The following RBMS1 variants were observed in gnomAD, a reference collection of about 807,000 sequenced individuals.
RBMS1 encodes the protein RNA binding motif single stranded interacting protein 1, also known as RNA-binding motif, single-stranded-interacting protein 1.
Under a neutral mutation model 62.3 loss-of-function variants are expected in RBMS1, and 17 were observed. That is an observed-to-expected ratio of 0.27 (90% confidence interval 0.19 to 0.41). The LOEUF (loss-of-function observed/expected upper bound fraction) is 0.41, where lower values mean the gene tolerates loss of function less well. RBMS1 is among the 10% of genes least tolerant of loss of function. The pLI, the probability that RBMS1 is intolerant of heterozygous loss-of-function variation, is 1.00. For synonymous variants in RBMS1, 172 were observed against 170.0 expected (o/e 1.01, Z -0.09); for missense variants, 334 against 504.5 (o/e 0.66, Z 3.24).
At chr2:160,392,617 A>T (rs1451817440) in intron 1 of RBMS1, among the ~76,000 whole-genome samples, 1 of 152,192 alleles carries the variant, frequency 6.6e-6, no homozygotes, top group East Asian at 1.9e-4. Context: ...ACTAGAGAAC[A>T]ATAAAAAGAG....
At chr2:160,340,463 C>T (rs554577360) in intron 2 of RBMS1, among the ~76,000 whole-genome samples, 1 of 151,974 alleles carries the variant, frequency 6.6e-6, no homozygotes, top group East Asian at 1.9e-4. Context: ...AGCAGAAACA[C>T]GCTAGCATAC....
At chr2:160,406,835 A>C (rs1002347486) in intron 1 of RBMS1, among the ~76,000 whole-genome samples, 5 of 152,238 alleles carry the variant, frequency 3.3e-5, no homozygotes, top group Non-Finnish European at 7.3e-5. Flanking sequence ...AAATGTATGA[A>C]ACGGTATTAA....
rs114556136 is a variant in RBMS1 at position 160,397,979 on chromosome 2, T to C, written c.76-30588A>G. 7.2e-3 allele frequency among the ~76,000 whole-genome samples: 1,098 copies of C among 152,310 alleles called. 16 individuals carry two copies. Among genetic ancestry groups the C allele is most frequent in the African/African-American group, 0.024 (995 of 41,554 alleles). ...CCCGAAGTCTGTCCCATCTCTTGTC[T>C]TGACACATTCTCTCCTCGGAGTGCT... On this transcript the variant is annotated intron_variant, in intron 1 of 13. Coordinates refer to ENST00000348849, the MANE Select transcript of RBMS1 (RefSeq NM_016836.4).
intron 2 of RBMS1, among the ~76,000 whole-genome samples, chr2:160,338,864 AT>A (rs1691718639): frequency 6.6e-6 from 1 of 152,250 alleles, no homozygotes; most frequent in Non-Finnish European, 1.5e-5. Flanking sequence ...AGGAAAGAGA[AT>A]GAAGCAAACA....
Position 160,274,575 on chromosome 2 carries a change from A to G in RBMS1, c.*197T>C, listed in dbSNP as rs376200395. On this transcript the variant is annotated 3_prime_UTR_variant, in exon 14 of 14. Transcript: ENST00000348849. Reference sequence around the variant, plus strand: ...ACCTGTTCGGGGGAACAGCTACTAGATGAATTTAAGGGTTTTATGCACCTT... The same window carrying G: ...ACCTGTTCGGGGGAACAGCTACTAGGTGAATTTAAGGGTTTTATGCACCTT... 6.8e-6 allele frequency: 1 copy of G among 146,638 alleles called. No homozygotes were observed. Among genetic ancestry groups the G allele is most frequent in the South Asian group, 2.1e-4 (1 of 4,728 alleles). The allele number at this position is 146,638 out of a possible 1,614,324, so 9.1% of individuals were successfully genotyped here. A position where few individuals can be genotyped will look rare whatever the true frequency, so the allele number is the denominator to read the frequency against.
intron 2 of RBMS1, among the ~76,000 whole-genome samples, chr2:160,360,165 A>G (rs1410491677): frequency 6.6e-6 from 1 of 152,172 alleles, no homozygotes; most frequent in Non-Finnish European, 1.5e-5. Context: ...CTATTTGTAG[A>G]TAACAAAAAT....
intron 2 of RBMS1, among the ~76,000 whole-genome samples, chr2:160,351,127 G>A (rs1162343615): frequency 6.7e-6 from 1 of 148,268 alleles, no homozygotes; most frequent in South Asian, 2.2e-4. Flanking sequence ...ACTGAACAAT[G>A]AGAACACTTG....
At chr2:160,336,513 T>G (rs1691579521) in intron 2 of RBMS1, among the ~76,000 whole-genome samples, 1 of 152,070 alleles carries the variant, frequency 6.6e-6, no homozygotes, top group South Asian at 2.1e-4. Flanking sequence ...CCTAGATCAG[T>G]GCTGTCCAAT....
chr2:160,480,255 TAAAC>T (rs567307690), intron 1 of RBMS1, among the ~76,000 whole-genome samples: 157 of 152,128 alleles, frequency 1.0e-3, no homozygotes, highest in Non-Finnish European at 1.9e-3. Context: ...AGCCATCAAA[TAAAC>T]AAAGAGAATA....
intron 1 of RBMS1, among the ~76,000 whole-genome samples, chr2:160,443,033 C>T (rs996655821): frequency 2.0e-5 from 3 of 151,932 alleles, no homozygotes; most frequent in African/African-American, 7.3e-5. Context: ...TGGTTAAATC[C>T]CATCTTAATT....
chr2:160,410,221 C>CAA (rs575199475), intron 1 of RBMS1, among the ~76,000 whole-genome samples: 1,240 of 67,952 alleles, frequency 0.018, 138 homozygotes, highest in Non-Finnish European at 0.023. Flanking sequence ...GACCCCGTCT[C>CAA]AAAAAAAAAA....
intron 1 of RBMS1, among the ~76,000 whole-genome samples, chr2:160,491,523 T>C (rs1685827639): frequency 6.6e-6 from 1 of 152,200 alleles, no homozygotes; most frequent in African/African-American, 2.4e-5. Flanking sequence ...AAAAGCCAAA[T>C]GGCATTGCAT....
At chr2:160,332,312 C>T (rs1435644657) in intron 2 of RBMS1, among the ~76,000 whole-genome samples, 1 of 152,184 alleles carries the variant, frequency 6.6e-6, no homozygotes. Context: ...TTAAAAACCA[C>T]ACCTCACAGC....
chr2:160,358,286 G>A (rs1692918010), intron 2 of RBMS1, among the ~76,000 whole-genome samples: 2 of 152,142 alleles, frequency 1.3e-5, no homozygotes, highest in South Asian at 4.1e-4. Flanking sequence ...CATGATGAGA[G>A]AATTGAGTTA....
chr2:160,334,738 G>A (rs949721340), intron 2 of RBMS1, among the ~76,000 whole-genome samples: 1 of 152,092 alleles, frequency 6.6e-6, no homozygotes, highest in African/African-American at 2.4e-5. Context: ...CTTCTTTAGG[G>A]AGATGAAACA....
chr2:160,317,578 T>C (rs1690293420), intron 3 of RBMS1, among the ~76,000 whole-genome samples: 1 of 152,116 alleles, frequency 6.6e-6, no homozygotes, highest in Non-Finnish European at 1.5e-5. Flanking sequence ...GGTCAGTGCA[T>C]CAAATTAATG....
At chr2:160,290,902 A>G (rs796498079) in intron 6 of RBMS1, among the ~76,000 whole-genome samples, 101 of 152,280 alleles carry the variant, frequency 6.6e-4, no homozygotes, top group African/African-American at 2.3e-3. Context: ...CCTTCCTGAG[A>G]CTGTGAGCTC....
At chr2:160,344,690 G>A (rs1452975658) in intron 2 of RBMS1, among the ~76,000 whole-genome samples, 1 of 152,092 alleles carries the variant, frequency 6.6e-6, no homozygotes, top group Admixed American at 6.6e-5. Context: ...CTAAGTGTTA[G>A]CATTCAGTTC....
intron 2 of RBMS1, among the ~76,000 whole-genome samples, chr2:160,336,193 T>C (rs1559401852): frequency 2.6e-5 from 4 of 152,176 alleles, no homozygotes. Flanking sequence ...GCAAATTGGT[T>C]ATACCCAGAG....
Sources: allele counts gnomAD v4.1 joint callset (sites outside exome capture counted in the v4.1 genomes callset), GRCh38; gene constraint gnomAD v4.1.1; transcripts MANE v1.5; gene names NCBI Gene and HGNC (gene_info 2026-07-23, HGNC 2026-07-21).